POT1: variants seen among roughly 807,000 people sequenced by gnomAD.
POT1 encodes protection of telomeres 1, also known as protection of telomeres protein 1.
Under a neutral mutation model 78.5 loss-of-function variants are expected in POT1, and 47 were observed. That is an observed-to-expected ratio of 0.60 (90% CI 0.47 to 0.76). POT1 has a LOEUF of 0.76. POT1 is among the 30% of genes least tolerant of loss of function. POT1 has a pLI of 0.00. For missense variants in POT1, 646 were observed against 749.9 expected (o/e 0.86, Z 1.62); for synonymous variants, 259 against 260.7 (o/e 0.99, Z 0.06).
chr7:124,926,195 T>A (rs1298639229), intron 2 of POT1, among the ~76,000 whole-genome samples: 3 of 152,054 alleles, frequency 2.0e-5, no homozygotes, highest in Admixed American at 2.0e-4. Flanking sequence ...TTGCAAACTA[T>A]ACATTCAACA....
At chr7:124,922,037 G>T (rs1584532043) in intron 2 of POT1, among the ~76,000 whole-genome samples, 1 of 151,922 alleles carries the variant, frequency 6.6e-6, no homozygotes, top group South Asian at 2.1e-4. Flanking sequence ...CAGAAAGGTG[G>T]CAGGAAAAAA....
intron 14 of POT1, among the ~76,000 whole-genome samples, chr7:124,838,573 TTC>T (rs1163067275): frequency 7.9e-5 from 12 of 152,098 alleles, no homozygotes; most frequent in African/African-American, 2.9e-4. Context: ...AAGTTGTTAG[TTC>T]TCTGTCTCCA....
At chr7:124,903,997 C>G (rs1393798566) in intron 3 of POT1, among the ~76,000 whole-genome samples, 1 of 152,130 alleles carries the variant, frequency 6.6e-6, no homozygotes, top group African/African-American at 2.4e-5. Context: ...AGACCAATAA[C>G]AGGTACTGAA....
intron 2 of POT1, among the ~76,000 whole-genome samples, chr7:124,921,261 T>G (rs1797142688): frequency 6.6e-6 from 1 of 152,084 alleles, no homozygotes; most frequent in Non-Finnish European, 1.5e-5. Context: ...AGCTTGGAAA[T>G]AATCAGTATT....
intron 6 of POT1, among the ~76,000 whole-genome samples, chr7:124,875,735 G>C (rs1294989016): frequency 6.6e-6 from 1 of 152,098 alleles, no homozygotes; most frequent in Admixed American, 6.5e-5. Context: ...TAAAAATAGG[G>C]AGAAAATACA....
At chr7:124,860,610 C>A (rs1795567768) in intron 8 of POT1, among the ~76,000 whole-genome samples, 1 of 151,964 alleles carries the variant, frequency 6.6e-6, no homozygotes, top group Non-Finnish European at 1.5e-5. Context: ...TTTACTAATT[C>A]TTTTCTTTAA....
In POT1 at chr7:124,851,918, C is replaced by A. The variant is rs116916706; in HGVS notation, c.903G>T (p.Gln301His). Residue 301 changes from glutamine (Q) to histidine (H), a missense_variant, in exon 11 of 19, where the codon CAG (glutamine) becomes CAT (histidine). Around this residue, in one of 2 missense-constraint regions of POT1, gnomAD observed 394 missense variants for 408.4 expected, o/e 0.96. Transcript: ENST00000357628. ...CTGATTGACAGATAACATCTGAATG[C>A]TGATTGGCTGTCAAATTTGCAGATT... is the stretch of plus-strand genomic sequence containing the variant. ...DLESANLTAN[Q>H]HSDVICQSEP... The A allele has an allele frequency of 4.8e-3, 7,751 of 1,611,322 alleles. 23 individuals carry two copies. Among genetic ancestry groups the A allele is most frequent in the Non-Finnish European group, 5.8e-3 (6,825 of 1,177,848 alleles).
chr7:124,846,337 T>C (rs10085888), intron 12 of POT1, among the ~76,000 whole-genome samples: 60,608 of 151,966 alleles, frequency 0.4, 12,210 homozygotes, highest in East Asian at 0.49. Flanking sequence ...CAATCCTTCT[T>C]CCATTCACAT....
intron 12 of POT1, among the ~76,000 whole-genome samples, chr7:124,843,463 G>C (rs1369347760): frequency 6.6e-6 from 1 of 152,144 alleles, no homozygotes; most frequent in Non-Finnish European, 1.5e-5. Context: ...AACTGTCACA[G>C]GAGTGGTGTA....
chr7:124,897,254 C>T, intron 4 of POT1, 42 bp from the exon 5 acceptor site: 4 of 857,108 alleles, frequency 4.7e-6, no homozygotes, highest in East Asian at 5.5e-5. Flanking sequence ...TACAGATAAC[C>T]TCCAATGTGA....
rs1020079369 is a variant in POT1 at position 124,885,674 on chromosome 7, G to A, written c.124+6592C>T. 5.3e-5 allele frequency among the ~76,000 whole-genome samples: 8 copies of A among 152,090 alleles called. No homozygotes were observed. The South Asian group carries it at 1.7e-3, about 32-fold the overall frequency. On this transcript the variant is annotated intron_variant, in intron 6 of 18. Transcript: ENST00000357628. ...CCAGCTACTCAGGAGGCTGAGGCAG[G>A]AGAATGGCGTGAACCCAGGAGGCGG...
At chr7:124,891,397 G>A (rs1387635645) in intron 6 of POT1, among the ~76,000 whole-genome samples, 2 of 151,202 alleles carry the variant, frequency 1.3e-5, no homozygotes, top group Non-Finnish European at 3.0e-5. Flanking sequence ...TTTAGCCTAT[G>A]TGTGTCCTTA....
In POT1 at chr7:124,842,851, T is replaced by C; in HGVS notation, c.1119A>G (p.Arg373=). ...RAKLRSYKPR[R]LFQSVKLHCP... ...AATGAAGTTTAACAGACTGAAATAG[T>C]CTTCTGGGCTTATATGACCTCAATT... is the stretch of plus-strand genomic sequence containing the variant. Residue 373 remains arginine (R), a synonymous_variant, in exon 13 of 19, where the codon AGA becomes AGG. Transcript: ENST00000357628. 6.2e-7 allele frequency: 1 copy of C among 1,603,898 alleles called. No individual in the cohort carries two copies.
intron 6 of POT1, among the ~76,000 whole-genome samples, chr7:124,890,221 G>A (rs1264764383): frequency 6.6e-6 from 1 of 151,884 alleles, no homozygotes; most frequent in African/African-American, 2.4e-5. Context: ...AGATGTGGTG[G>A]AAACAGTAAG....
At chr7:124,862,139 T>C (rs747513904) in intron 8 of POT1, among the ~76,000 whole-genome samples, 2 of 152,110 alleles carry the variant, frequency 1.3e-5, no homozygotes, top group African/African-American at 2.4e-5. Context: ...TACGTGACAG[T>C]GGTTTTCACT....
chr7:124,846,440 T>C (rs1050430106), intron 12 of POT1, among the ~76,000 whole-genome samples: 16 of 152,166 alleles, frequency 1.1e-4, no homozygotes, highest in Non-Finnish European at 1.5e-4. Context: ...TGAAAATTTT[T>C]TTTTAATCTT....
chr7:124,884,261 T>G (rs576172791), intron 6 of POT1, among the ~76,000 whole-genome samples: 4 of 151,834 alleles, frequency 2.6e-5, no homozygotes, highest in Non-Finnish European at 5.9e-5. Flanking sequence ...TAGGGCCCCA[T>G]ATCCTAGCAT....
At chr7:124,838,639 CTT>C (rs1007796730) in intron 14 of POT1, among the ~76,000 whole-genome samples, 6 of 151,470 alleles carry the variant, frequency 4.0e-5, no homozygotes, top group East Asian at 1.9e-4. Context: ...AAGTTTCGCT[CTT>C]GTTACCCAGG....
chr7:124,925,067 C>T (rs1446950367), intron 2 of POT1, among the ~76,000 whole-genome samples: 2 of 151,942 alleles, frequency 1.3e-5, no homozygotes, highest in Non-Finnish European at 2.9e-5. Context: ...ATAAGGATAC[C>T]CACTTTCACC....
Sources: gnomAD v4.1 joint callset for allele counts (sites outside exome capture counted in the v4.1 genomes callset) on GRCh38, gnomAD v4.1.1 for gene constraint, gnomAD v4.1.1 regional missense constraint, MANE v1.5 for transcripts, NCBI Gene and HGNC (gene_info 2026-07-23, HGNC 2026-07-21) for gene names.